The following TENM3 variants were observed in gnomAD, a reference collection of about 807,000 sequenced individuals.
TENM3 encodes the protein teneurin-3.
A neutral mutation model predicts 255.1 loss-of-function variants in TENM3; 63 were observed. The ratio of observed to expected loss-of-function variants is 0.25; its 90% confidence interval spans 0.20 to 0.30. The LOEUF is 0.30. TENM3 is among the 10% of genes least tolerant of loss of function. The pLI, the probability that TENM3 is intolerant of heterozygous loss-of-function variation, is 1.00. For synonymous variants in TENM3, 1,306 were observed against 1,322.3 expected (o/e 0.99, Z 0.27); for missense variants, 2,929 against 3,461.1 (o/e 0.85, Z 3.86).
At position 182,632,897 on chromosome 4, in the gene TENM3, TATCTA is replaced by T. The variant is rs201514359; in HGVS notation, c.988+4015_988+4019del. Among the ~76,000 whole-genome samples the T allele has an allele frequency of 3.7e-3, 556 of 152,250 alleles. 3 individuals are homozygous for T. The highest frequency in any genetic ancestry group is 0.012 in the African/African-American group (500 of 41,562). On this transcript the variant is annotated intron_variant, in intron 5 of 27. Transcript: ENST00000511685. ...AAATTTCTAGCTTTCATGCCATACT[TATCTA>T]ATCTAAGTATTAGTTTTTATTTATC...
chr4:182,021,011 G>A, the TENM3 span, among the ~76,000 whole-genome samples: 1 of 152,000 alleles, frequency 6.6e-6, no homozygotes, highest in African/African-American at 2.4e-5. Context: ...ATTGTGCAAT[G>A]CTGAGGTTGG....
At chr4:181,873,513 C>T in the TENM3 span, among the ~76,000 whole-genome samples, 1 of 152,262 alleles carries the variant, frequency 6.6e-6, no homozygotes, top group Middle Eastern at 3.4e-3. Context: ...CATTATGCAT[C>T]ATTTAGAGGC....
At chr4:182,064,510 G>A in the TENM3 span, among the ~76,000 whole-genome samples, 4 of 152,090 alleles carry the variant, frequency 2.6e-5, no homozygotes, top group Non-Finnish European at 4.4e-5. Context: ...GTGAACCCGG[G>A]AGGCGGAGCT....
chr4:182,092,248 G>A, the TENM3 span, among the ~76,000 whole-genome samples: 2 of 152,134 alleles, frequency 1.3e-5, no homozygotes, highest in African/African-American at 2.4e-5. Flanking sequence ...GGCTGTGGTG[G>A]GAGAATCACT....
upstream of TENM3, among the ~76,000 whole-genome samples, chr4:182,139,667 A>C (rs1455887635): frequency 6.6e-6 from 1 of 152,254 alleles, no homozygotes; most frequent in Non-Finnish European, 1.5e-5. Flanking sequence ...AAATACGTTC[A>C]CAGAGCTAAA....
intron 1 of TENM3, among the ~76,000 whole-genome samples, chr4:182,155,721 A>G (rs531341292): frequency 1.2e-3 from 188 of 152,306 alleles, no homozygotes; most frequent in African/African-American, 4.3e-3. Flanking sequence ...CAAACATTTT[A>G]GGTAAATAAT....
chr4:182,313,572 A>G (rs1351753755), intron 1 of TENM3, among the ~76,000 whole-genome samples: 4 of 152,200 alleles, frequency 2.6e-5, no homozygotes, highest in Admixed American at 6.5e-5. Flanking sequence ...GGTGAACACC[A>G]AAAAGCTAGG....
the TENM3 span, among the ~76,000 whole-genome samples, chr4:181,771,738 T>C: frequency 6.6e-6 from 1 of 152,230 alleles, no homozygotes; most frequent in South Asian, 2.1e-4. Flanking sequence ...TAGTTTGAGA[T>C]TCTGCGTTTC....
At chr4:181,474,986 A>G in the TENM3 span, among the ~76,000 whole-genome samples, 39 of 152,188 alleles carry the variant, frequency 2.6e-4, no homozygotes, top group Non-Finnish European at 4.4e-5. Context: ...TGCAATAAAT[A>G]TCTTAAAATG....
At chr4:181,948,603 C>T in the TENM3 span, among the ~76,000 whole-genome samples, 2 of 151,808 alleles carry the variant, frequency 1.3e-5, no homozygotes, top group African/African-American at 4.8e-5. Context: ...TTTTTAGTAG[C>T]GACAGGGTTT....
At chr4:181,475,612 T>C in the TENM3 span, among the ~76,000 whole-genome samples, 1 of 152,162 alleles carries the variant, frequency 6.6e-6, no homozygotes, top group African/African-American at 2.4e-5. Context: ...TTTGTGCCCT[T>C]GTCAGTGGCT....
chr4:182,105,808 C>T, the TENM3 span, among the ~76,000 whole-genome samples: 1 of 152,160 alleles, frequency 6.6e-6, no homozygotes, highest in African/African-American at 2.4e-5. Context: ...CTCAAAGCTC[C>T]CATCCTTGAC....
intron 1 of TENM3, among the ~76,000 whole-genome samples, chr4:182,285,849 C>T (rs939173811): frequency 6.8e-6 from 1 of 148,026 alleles, no homozygotes; most frequent in Non-Finnish European, 1.5e-5. Context: ...AACCACTAAC[C>T]ATAAAAAGAA....
At chr4:182,630,546 A>C (rs2152472255) in intron 5 of TENM3, among the ~76,000 whole-genome samples, 1 of 152,230 alleles carries the variant, frequency 6.6e-6, no homozygotes, top group Admixed American at 6.5e-5. Flanking sequence ...GAGGCCTGTC[A>C]TGGGGTTGGC....
intron 22 of TENM3, among the ~76,000 whole-genome samples, chr4:182,762,571 C>G (rs1763292213): frequency 6.6e-6 from 1 of 152,220 alleles, no homozygotes; most frequent in Non-Finnish European, 1.5e-5. Context: ...GTGGCTCATT[C>G]CTCTGACAAT....
the TENM3 span, among the ~76,000 whole-genome samples, chr4:182,013,875 ATACT>A: frequency 3.3e-4 from 49 of 150,176 alleles, no homozygotes; most frequent in East Asian, 3.9e-4. Context: ...GCTATATGTA[ATACT>A]TATATATTAT....
the TENM3 span, among the ~76,000 whole-genome samples, chr4:181,616,272 A>T: frequency 2.6e-5 from 3 of 114,202 alleles, no homozygotes; most frequent in Non-Finnish European, 3.6e-5. Context: ...CTGTATTAGT[A>T]AAGGTTTCCA....
intron 3 of TENM3, among the ~76,000 whole-genome samples, chr4:182,448,124 C>T (rs909604139): frequency 6.6e-6 from 1 of 152,220 alleles, no homozygotes; most frequent in Non-Finnish European, 1.5e-5. Flanking sequence ...CCCCTGGTAC[C>T]GTCTTCTCTC....
At chr4:181,828,811 A>T in the TENM3 span, among the ~76,000 whole-genome samples, 1 of 152,096 alleles carries the variant, frequency 6.6e-6, no homozygotes, top group East Asian at 1.9e-4. Context: ...GCTGGTCTTG[A>T]ACTCCTGACC....
Sources: gnomAD v4.1 joint callset for allele counts (sites outside exome capture counted in the v4.1 genomes callset) on GRCh38, gnomAD v4.1.1 for gene constraint, MANE v1.5 for transcripts, NCBI Gene and HGNC (gene_info 2026-07-23, HGNC 2026-07-21) for gene names.